TIA1: variants seen among roughly 807,000 people sequenced by gnomAD.
TIA1 encodes the protein cytotoxic granule associated RNA binding protein TIA1.
In TIA1, 23 loss-of-function variants were observed where a neutral mutation model predicts 65.9. The ratio of observed to expected loss-of-function variants is 0.35; its 90% CI spans 0.25 to 0.49. The LOEUF (loss-of-function observed/expected upper bound fraction) is 0.49. TIA1 is among the 20% of genes least tolerant of loss of function. TIA1 has a pLI of 0.98. For missense variants in TIA1, 371 were observed against 477.9 expected (o/e 0.78, Z 2.09); for synonymous variants, 147 against 149.4 (o/e 0.98, Z 0.12).
intron 1 of TIA1, among the ~76,000 whole-genome samples, chr2:70,241,046 C>G (rs1195524340): frequency 1.3e-5 from 2 of 152,120 alleles, no homozygotes; most frequent in Admixed American, 6.5e-5. Context: ...GTAATAATTT[C>G]TAAAGGAAGA....
intron 5 of TIA1, chr2:70,228,321 G>A: frequency 7.8e-7 from 1 of 1,281,060 alleles, no homozygotes; most frequent in Non-Finnish European, 1.0e-6. Context: ...ACCATATTTT[G>A]TGAAGAACAA....
rs1446726570 is a variant in TIA1 at position 70,211,234 on chromosome 2, T to A, written c.*1485A>T. 6.6e-6 allele frequency: 1 copy of A among 152,166 alleles called. No homozygotes were observed. The highest frequency in any genetic ancestry group is 1.9e-4 in the East Asian group (1 of 5,198). 9.4% of individuals were successfully genotyped at this position (152,166 alleles called of 1,614,324 possible). A position where few individuals can be genotyped will look rare whatever the true frequency, so the allele number is the denominator to read the frequency against. Reference sequence around the variant, plus strand: ...TTCCCACACAAGTCTTCTAAGAGACTCTGAAATATACTAGAAATTTCAAAA... The same window carrying A: ...TTCCCACACAAGTCTTCTAAGAGACACTGAAATATACTAGAAATTTCAAAA... On this transcript the variant is annotated 3_prime_UTR_variant, in exon 13 of 13. Transcript: ENST00000433529.
chr2:70,224,539 T>G lies in TIA1; in HGVS notation c.474+15A>C, dbSNP rs1332818908. On this transcript the variant is annotated intron_variant, in intron 7 of 12. Coordinates refer to ENST00000433529, the MANE Select transcript of TIA1 (RefSeq NM_022173.4). The stretch of plus-strand genomic sequence containing the variant: ...ACTCTTTAAGCATTATCCATGCACT[T>G]CTCACTGAGCTCACCCATTTGTTGA... 1 of 1,614,004 alleles carries G rather than the reference T, an allele frequency of 6.2e-7. No homozygotes were observed. Among genetic ancestry groups the G allele is most frequent in the South Asian group, 1.1e-5 (1 of 91,068 alleles).
At chr2:70,237,679 C>G (rs758414431) in intron 1 of TIA1, among the ~76,000 whole-genome samples, 2 of 150,858 alleles carry the variant, frequency 1.3e-5, no homozygotes, top group Non-Finnish European at 2.9e-5. Flanking sequence ...GCCTGGCCAA[C>G]ACAGTGAAAC....
chr2:70,212,054 A>T lies in TIA1; in HGVS notation c.*665T>A, dbSNP rs1372891843. The T allele has an allele frequency of 6.6e-6, 1 of 152,654 alleles. No individual in the cohort carries two copies. Among genetic ancestry groups the T allele is most frequent in the African/African-American group, 2.4e-5 (1 of 41,464 alleles). 9.5% of individuals were successfully genotyped at this position (152,654 alleles called of 1,614,324 possible). A position where few individuals can be genotyped will look rare whatever the true frequency, so the allele number is the denominator to read the frequency against. On this transcript the variant is annotated 3_prime_UTR_variant, in exon 13 of 13. Transcript: ENST00000433529. The stretch of plus-strand genomic sequence containing the variant: ...AAAACACAAGATGAATGCAATTATC[A>T]ATCCATCTGAGAAAAGTTTTCAATC...
chr2:70,228,459 A>G (rs942973323), intron 5 of TIA1: 12 of 1,278,036 alleles, frequency 9.4e-6, no homozygotes, highest in Non-Finnish European at 1.2e-5. Context: ...CAAGTGAACT[A>G]AGACTGAAGG....
chr2:70,224,379 A>G, intron 7 of TIA1, 175 bp downstream of exon 7: 3 of 788,794 alleles, frequency 3.8e-6, no homozygotes, highest in Non-Finnish European at 5.9e-6. Context: ...AGTACTCTGC[A>G]TGCCTCAGGT....
chr2:70,242,023 G>C (rs1692010363), intron 1 of TIA1, among the ~76,000 whole-genome samples: 1 of 151,964 alleles, frequency 6.6e-6, no homozygotes. Flanking sequence ...AATATAAAAA[G>C]GATATCAGTG....
At chr2:70,248,664 C>A (rs1359043447), upstream of TIA1, 2 of 599,646 alleles carry the variant, frequency 3.3e-6, no homozygotes, top group East Asian at 2.8e-5. Flanking sequence ...CAAAGTTACC[C>A]GGGCCGCGCA....
Position 70,227,720 on chromosome 2 carries a change from T to A in TIA1, c.398+15A>T. ...TTTCTAATTAAAAGGATTTTATTTA[T>A]CTTCTGTTACTTACGATATTCTTCC... On this transcript the variant is annotated intron_variant, in intron 6 of 12. Coordinates refer to ENST00000433529, the MANE Select transcript of TIA1 (RefSeq NM_022173.4). 6.6e-7 allele frequency: 1 copy of A among 1,524,960 alleles called. No individual in the cohort carries two copies. The highest frequency in any genetic ancestry group is 8.9e-7 in the Non-Finnish European group (1 of 1,117,800). The allele number at this position is 1,524,960 out of a possible 1,614,324, so 94.5% of individuals were successfully genotyped here.
At position 70,248,396 on chromosome 2, in the gene TIA1, CAG is replaced by C. The variant is rs1308822270; in HGVS notation, c.26+7_26+8del. ...CATCCCGCCTCCCTCATCGCTGCCC[CAG>C]ACTCACAGAGTCTTGGGCATCTCGT... On this transcript the variant is annotated splice_region_variant and intron_variant, in intron 1 of 12. Coordinates refer to ENST00000433529, the MANE Select transcript of TIA1 (RefSeq NM_022173.4). 4.9e-5 allele frequency: 78 copies of C among 1,599,940 alleles called. No individual in the cohort carries two copies. Among genetic ancestry groups the C allele is most frequent in the Non-Finnish European group, 6.2e-5 (73 of 1,179,744 alleles).
Position 70,214,428 on chromosome 2 carries a change from T to C in TIA1, c.955A>G (p.Ile319Val). ...WGQWYGNAQQ[I>V]GQYMPNGWQV... ...CAACCATTAGGCATATACTGGCCAA[T>C]TTGTTGTGCATTTCCATACCACTGG... Residue 319 changes from isoleucine to valine, a missense_variant, in exon 12 of 13, where the codon ATT (isoleucine) becomes GTT (valine). Ile to Val is a conservative substitution (Grantham distance 29, BLOSUM62 3). Coordinates refer to ENST00000433529, the MANE Select transcript of TIA1 (RefSeq NM_022173.4). The C allele has an allele frequency of 1.2e-6, 2 of 1,613,976 alleles. No individual in the cohort carries two copies. Among genetic ancestry groups the C allele is most frequent in the Non-Finnish European group, 1.7e-6 (2 of 1,179,974 alleles).
chr2:70,216,564 C>A, intron 8 of TIA1, 65 bp from the exon 9 acceptor site: 1 of 1,452,472 alleles, frequency 6.9e-7, no homozygotes. Flanking sequence ...AGAAAAGTAG[C>A]ATTCACTACA....
chr2:70,227,612 T>C, intron 6 of TIA1, 123 bp downstream of exon 6: 1 of 601,186 alleles, frequency 1.7e-6, no homozygotes, highest in Non-Finnish European at 2.8e-6. Context: ...CTCTAAACAA[T>C]GTAATACATT....
At chr2:70,224,466 G>A in intron 7 of TIA1, 88 bp downstream of exon 7, 3 of 1,558,514 alleles carry the variant, frequency 1.9e-6, no homozygotes, top group Non-Finnish European at 2.6e-6. Context: ...AAAATAAACA[G>A]CAGACGAAAA....
chr2:70,236,371 G>T (rs1209278480), intron 1 of TIA1, among the ~76,000 whole-genome samples, 196 bp from the exon 2 acceptor site: 1 of 151,846 alleles, frequency 6.6e-6, no homozygotes, highest in African/African-American at 2.4e-5. Context: ...AGCTAATTTT[G>T]TATTTTTAGT....
rs368330131 is a variant in TIA1 at position 70,212,858 on chromosome 2, G to A, written c.1035-13C>T. 5.0e-6 allele frequency: 8 copies of A among 1,588,460 alleles called. No homozygotes were observed. The highest frequency in any genetic ancestry group is 6.1e-6 in the Non-Finnish European group (7 of 1,156,828). ...AGACTGTGTCTGACTGGTGGAGAAT[G>A]TGAAAGAAGCAGAGGGGAGAGGAAA... is the stretch of plus-strand genomic sequence containing the variant. On this transcript the variant is annotated splice_polypyrimidine_tract_variant and intron_variant, in intron 12 of 12. Coordinates refer to ENST00000433529, the MANE Select transcript of TIA1 (RefSeq NM_022173.4).
chr2:70,228,926 T>C, intron 5 of TIA1, 133 bp downstream of exon 5: 22 of 1,467,760 alleles, frequency 1.5e-5, no homozygotes, highest in Non-Finnish European at 2.0e-5. Flanking sequence ...GGGAGAAAAG[T>C]ATTGCTAGAG....
intron 1 of TIA1, among the ~76,000 whole-genome samples, chr2:70,237,437 G>A (rs1689480522): frequency 6.6e-6 from 1 of 152,078 alleles, no homozygotes. Context: ...TAGTGAAGGG[G>A]AAGCTAGTAT....
Sources: allele counts gnomAD v4.1 joint callset (sites outside exome capture counted in the v4.1 genomes callset), GRCh38; gene constraint gnomAD v4.1.1; transcripts MANE v1.5; gene names NCBI Gene and HGNC (gene_info 2026-07-23, HGNC 2026-07-21).